The following HTR4 variants were observed in gnomAD, a reference collection of about 807,000 sequenced individuals.
HTR4 encodes 5-hydroxytryptamine receptor 4, also known as 5-hydroxytryptamine (serotonin) receptor 4, G protein-coupled.
Under a neutral mutation model 36.8 loss-of-function variants are expected in HTR4, and 16 were observed. That is an observed-to-expected ratio of 0.43 (90% CI 0.29 to 0.66). HTR4 has a LOEUF of 0.66. Ranked by LOEUF, HTR4 falls within the 30% of genes least tolerant of loss-of-function variation. The pLI is 0.13. For missense variants in HTR4, 438 were observed against 490.9 expected (o/e 0.89, Z 1.02); for synonymous variants, 189 against 185.1 (o/e 1.02, Z -0.17).
intron 2 of HTR4, among the ~76,000 whole-genome samples, chr5:148,595,712 A>C (rs890549215): frequency 3.0e-4 from 46 of 152,186 alleles, no homozygotes; most frequent in Non-Finnish European, 1.2e-4. Flanking sequence ...TTGATTCCAA[A>C]TATAATGAAT....
rs779421347 is a variant in HTR4 at position 148,509,910 on chromosome 5, T to C, written c.622A>G (p.Met208Val). 1 of 1,613,836 alleles carries C rather than the reference T, an allele frequency of 6.2e-7. No individual in the cohort carries two copies. Among genetic ancestry groups the C allele is most frequent in the Non-Finnish European group, 8.5e-7 (1 of 1,179,948 alleles). Reference protein sequence around the residue: ...VVAFYIPFLLMVLAYYRIYVT... With the variant: ...VVAFYIPFLLVVLAYYRIYVT... ...TAGATGCGGTAATAGGCCAGCACCA[T>C]GAGGAGAAATGGGATGTAGAAGGCC... Residue 208 changes from methionine (M) to valine (V), a missense_variant, in exon 6 of 7, where the codon ATG (methionine) becomes GTG (valine). Coordinates refer to ENST00000377888, the MANE Select transcript of HTR4 (RefSeq NM_000870.7).
chr5:148,520,814 A>G, intron 5 of HTR4: 1 of 1,260,840 alleles, frequency 7.9e-7, no homozygotes, highest in Non-Finnish European at 1.1e-6. Flanking sequence ...GACAGTTTAA[A>G]ATAAATTGGA....
At chr5:148,640,583 T>C (rs1204762241) in intron 1 of HTR4, among the ~76,000 whole-genome samples, 1 of 152,180 alleles carries the variant, frequency 6.6e-6, no homozygotes, top group Admixed American at 6.5e-5. Context: ...GTGTCCTGAC[T>C]ACATAATTTG....
At chr5:148,529,324 C>A (rs547182004) in intron 4 of HTR4, among the ~76,000 whole-genome samples, 1 of 152,100 alleles carries the variant, frequency 6.6e-6, no homozygotes. Context: ...GATTGTGGCT[C>A]CCACAATTCC....
intron 2 of HTR4, among the ~76,000 whole-genome samples, chr5:148,628,135 G>T (rs1753188536): frequency 6.6e-6 from 1 of 152,164 alleles, no homozygotes; most frequent in South Asian, 2.1e-4. Context: ...GAACATATCT[G>T]CTAGGCCTTC....
downstream of HTR4, among the ~76,000 whole-genome samples, chr5:148,472,636 GT>G (rs1755598184): frequency 1.3e-5 from 2 of 152,156 alleles, no homozygotes; most frequent in Admixed American, 1.3e-4. Context: ...TATTAAACAG[GT>G]CAGGGTAGGC....
At chr5:148,457,902 A>G (rs1755144741) in intron 5 of HTR4, among the ~76,000 whole-genome samples, 1 of 138,684 alleles carries the variant, frequency 7.2e-6, no homozygotes, top group African/African-American at 2.6e-5. Flanking sequence ...ATTATATTTT[A>G]ATATATATTT....
At chr5:148,530,463 G>A (rs186149694) in intron 4 of HTR4, among the ~76,000 whole-genome samples, 3 of 152,322 alleles carry the variant, frequency 2.0e-5, no homozygotes, top group Admixed American at 6.5e-5. Flanking sequence ...CTTCCATGTG[G>A]TGTTAAGCCT....
chr5:148,637,184 A>G lies in HTR4; in HGVS notation c.-47-123T>C, dbSNP rs573380718. 19 of 676,930 alleles carry G rather than the reference A, an allele frequency of 2.8e-5. No homozygotes were observed. The South Asian group carries it at 3.6e-4, about 13-fold the overall frequency. The allele number at this position is 676,930 out of a possible 1,614,324, so 41.9% of individuals were successfully genotyped here. A position where few individuals can be genotyped will look rare whatever the true frequency, so the allele number is the denominator to read the frequency against. On this transcript the variant is annotated intron_variant, in intron 1 of 6. Transcript: ENST00000377888. ...ATGACTTGTTTTGTGGAAATATTTA[A>G]TAAACAATACTAAAGCAAAAAGCTT...
chr5:148,650,940 T>C (rs1754014958), intron 1 of HTR4, among the ~76,000 whole-genome samples: 1 of 152,188 alleles, frequency 6.6e-6, no homozygotes. Flanking sequence ...ATCCCATTCA[T>C]GCAAGGCACT....
At chr5:148,530,798 C>T (rs1014474230) in intron 4 of HTR4, among the ~76,000 whole-genome samples, 1 of 152,216 alleles carries the variant, frequency 6.6e-6, no homozygotes, top group Non-Finnish European at 1.5e-5. Context: ...GGGAGGGAAT[C>T]TGTACTTAGC....
At chr5:148,649,223 C>A (rs1023366867) in intron 1 of HTR4, among the ~76,000 whole-genome samples, 11 of 150,912 alleles carry the variant, frequency 7.3e-5, no homozygotes, top group Non-Finnish European at 1.3e-4. Context: ...ACAGATCTTT[C>A]TGAGTAAGTG....
chr5:148,564,493 T>C (rs1760353372), intron 2 of HTR4, among the ~76,000 whole-genome samples: 1 of 152,194 alleles, frequency 6.6e-6, no homozygotes, highest in African/African-American at 2.4e-5. Flanking sequence ...AAATATATGT[T>C]AGACAAGTAA....
At chr5:148,597,824 G>A (rs1046449950) in intron 2 of HTR4, among the ~76,000 whole-genome samples, 20 of 152,230 alleles carry the variant, frequency 1.3e-4, no homozygotes, top group African/African-American at 2.6e-4. Flanking sequence ...AAGGCTTATC[G>A]CCTTCACTAT....
chr5:148,598,172 G>A (rs563254383), intron 2 of HTR4, among the ~76,000 whole-genome samples: 111 of 152,208 alleles, frequency 7.3e-4, no homozygotes, highest in African/African-American at 2.5e-3. Context: ...GAAGAAATGA[G>A]GAGGAGCTGA....
rs71001490 is a variant in HTR4 at position 148,463,165 on chromosome 5, C to CTTTTTTTTTTTTTT, written c.1077-11907_1077-11894dup. On this transcript the variant is annotated intron_variant, in intron 5 of 5. Coordinates refer to the HTR4 transcript ENST00000521530. Reference sequence around the variant, plus strand: ...CTTTGCTTTTCATTTCTTTTTTTTTCTTTTTTTTTTTTTTTTTTTTTTTTT... The same window carrying CTTTTTTTTTTTTTT: ...CTTTGCTTTTCATTTCTTTTTTTTTCTTTTTTTTTTTTTTTTTTTTTTTTTTTTTTTTTTTTTTT... Among the ~76,000 whole-genome samples the CTTTTTTTTTTTTTT allele has an allele frequency of 2.2e-3, 141 of 64,150 alleles. 1 individual carries two copies. The highest frequency in any genetic ancestry group is 2.5e-3 in the Non-Finnish European group (92 of 36,452). 42.1% of individuals were successfully genotyped at this position (64,150 alleles called of 152,430 possible). A position where few individuals can be genotyped will look rare whatever the true frequency, so the allele number is the denominator to read the frequency against.
intron 4 of HTR4, among the ~76,000 whole-genome samples, chr5:148,547,541 T>TAAAAC (rs1271426423): frequency 1.9e-5 from 2 of 106,434 alleles, no homozygotes; most frequent in East Asian, 5.4e-4. Flanking sequence ...TAAAATAAAA[T>TAAAAC]AAAATAAAAT....
Position 148,561,303 on chromosome 5 carries a change from T to TTCA in HTR4, c.27-11044_27-11042dup, listed in dbSNP as rs1183913365. Reference sequence around the variant, plus strand: ...AAAAGCTGTAAGGAATACAAAGGATTTCAGGATGAAAGACACTGTTTTCTG... The same window carrying TTCA: ...AAAAGCTGTAAGGAATACAAAGGATTTCATCAGGATGAAAGACACTGTTTTCTG... On this transcript the variant is annotated intron_variant, in intron 2 of 6. Coordinates refer to ENST00000377888, the MANE Select transcript of HTR4 (RefSeq NM_000870.7). Among the ~76,000 whole-genome samples the TTCA allele has an allele frequency of 2.6e-5, 4 of 152,276 alleles. No individual in the cohort carries two copies. The East Asian group carries it at 7.7e-4, about 29-fold the overall frequency.
chr5:148,536,112 A>G (rs183572622), intron 4 of HTR4, among the ~76,000 whole-genome samples: 97 of 152,244 alleles, frequency 6.4e-4, no homozygotes, highest in African/African-American at 2.3e-3. Context: ...ATCTTCAACC[A>G]AGAATTTCAT....
Sources: gnomAD v4.1 joint callset for allele counts (sites outside exome capture counted in the v4.1 genomes callset) on GRCh38, gnomAD v4.1.1 for gene constraint, MANE v1.5 for transcripts, NCBI Gene and HGNC (gene_info 2026-07-23, HGNC 2026-07-21) for gene names.